The following RIMS1 variants were observed in gnomAD, a reference collection of about 807,000 sequenced individuals.
RIMS1 encodes regulating synaptic membrane exocytosis protein 1.
Under a neutral mutation model 214.1 loss-of-function variants are expected in RIMS1, and 83 were observed. That is an observed-to-expected ratio of 0.39 (90% CI 0.32 to 0.47). The LOEUF (loss-of-function observed/expected upper bound fraction) is 0.47. Ranked by LOEUF, RIMS1 falls within the 20% of genes least tolerant of loss-of-function variation. The pLI is 0.99. For missense variants in RIMS1, 2,050 were observed against 2,161.8 expected, an observed-to-expected ratio of 0.95 and a Z score of 1.03; for synonymous variants, 793 against 786.8, an observed-to-expected ratio of 1.01 and a Z score of -0.13.
intron 2 of RIMS1, among the ~76,000 whole-genome samples, chr6:72,031,118 T>G (rs1282933240): frequency 6.6e-6 from 1 of 152,164 alleles, no homozygotes; most frequent in Admixed American, 6.6e-5. Context: ...TTTGCAAACC[T>G]TTAGTTTACC....
intron 6 of RIMS1, chr6:72,212,922 C>T (rs2054079658): frequency 1.5e-6 from 2 of 1,362,350 alleles, no homozygotes; most frequent in Non-Finnish European, 1.9e-6. Flanking sequence ...CTGAGTCAGT[C>T]ATGCAAGGAG....
chr6:72,345,113 G>A (rs2097214338), intron 29 of RIMS1, among the ~76,000 whole-genome samples: 1 of 151,732 alleles, frequency 6.6e-6, no homozygotes, highest in South Asian at 2.1e-4. Context: ...GGCAGCTAAA[G>A]ATGTAACAAG....
chr6:72,297,172 A>T (rs989402231), intron 26 of RIMS1, among the ~76,000 whole-genome samples: 3 of 151,984 alleles, frequency 2.0e-5, no homozygotes, highest in Non-Finnish European at 4.4e-5. Flanking sequence ...AAATTAAAAA[A>T]TTCAGTGAGA....
At chr6:72,098,691 G>T (rs148547847) in intron 3 of RIMS1, among the ~76,000 whole-genome samples, 1 of 152,110 alleles carries the variant, frequency 6.6e-6, no homozygotes, top group Non-Finnish European at 1.5e-5. Context: ...ATGAAGACTG[G>T]ATAGTAATAT....
intron 1 of RIMS1, among the ~76,000 whole-genome samples, chr6:71,942,887 A>G (rs1786594626): frequency 6.6e-6 from 1 of 152,102 alleles, no homozygotes; most frequent in Non-Finnish European, 1.5e-5. Flanking sequence ...GTGTACAAAT[A>G]TTAAATGTAA....
At chr6:72,338,715 C>T (rs116113934) in intron 29 of RIMS1, among the ~76,000 whole-genome samples, 3,104 of 151,662 alleles carry the variant, frequency 0.02, 72 homozygotes, top group African/African-American at 0.056. Context: ...ACAAGACATA[C>T]TATTCCCATT....
chr6:72,017,840 A>G (rs770388974), intron 2 of RIMS1, among the ~76,000 whole-genome samples: 1 of 152,210 alleles, frequency 6.6e-6, no homozygotes, highest in Non-Finnish European at 1.5e-5. Flanking sequence ...ACCTGAAAGA[A>G]TTGTGTGTGA....
chr6:72,318,556 AT>A (rs1160642133), intron 28 of RIMS1, among the ~76,000 whole-genome samples: 1 of 151,850 alleles, frequency 6.6e-6, no homozygotes, highest in Non-Finnish European at 1.5e-5. Flanking sequence ...ATTGCATGTT[AT>A]TTTTTTAAAT....
intron 26 of RIMS1, among the ~76,000 whole-genome samples, chr6:72,296,840 A>G (rs1016836247): frequency 1.3e-5 from 2 of 151,960 alleles, no homozygotes; most frequent in Admixed American, 6.6e-5. Flanking sequence ...TAAGGACACA[A>G]GTTCAGAGAG....
In RIMS1 at chr6:72,332,081, G is replaced by C. The variant is rs1172054974; in HGVS notation, c.4131-1519G>C. Among the ~76,000 whole-genome samples, 6 of 151,600 alleles carry C rather than the reference G, an allele frequency of 4.0e-5. No individual in the cohort carries two copies. The Admixed American group carries it at 4.0e-4, about 10-fold the overall frequency. ...TCATTATATATATGACAACAAACTT[G>C]TTACATAATCCCAACACTTTCTGTT... On this transcript the variant is annotated intron_variant, in intron 28 of 33. Coordinates refer to ENST00000521978, the MANE Select transcript of RIMS1 (RefSeq NM_014989.7).
In RIMS1 at chr6:72,099,513, A is replaced by C. The variant is rs1262550544; in HGVS notation, c.460-462A>C. On this transcript the variant is annotated intron_variant, in intron 3 of 33. Coordinates refer to ENST00000521978, the MANE Select transcript of RIMS1 (RefSeq NM_014989.7). ...TTAACATATTTCTCTTCCCATTTTT[A>C]TTTATTATAAACATTTCTCATTCTT... Among the ~76,000 whole-genome samples, 4 of 152,142 alleles carry C rather than the reference A, an allele frequency of 2.6e-5. No homozygotes were observed. The East Asian group carries it at 7.7e-4, about 29-fold the overall frequency.
chr6:72,217,411 C>T (rs2056636978), intron 6 of RIMS1, among the ~76,000 whole-genome samples: 1 of 152,084 alleles, frequency 6.6e-6, no homozygotes, highest in African/African-American at 2.4e-5. Flanking sequence ...ATAATGATTA[C>T]TTGTATTACA....
chr6:71,980,848 G>A (rs1798308193), intron 2 of RIMS1, among the ~76,000 whole-genome samples: 1 of 151,968 alleles, frequency 6.6e-6, no homozygotes, highest in South Asian at 2.1e-4. Flanking sequence ...GTTATGAAAG[G>A]GACAAGTAAG....
intron 2 of RIMS1, among the ~76,000 whole-genome samples, chr6:72,063,418 TA>T (rs2152263167): frequency 6.6e-6 from 1 of 152,204 alleles, no homozygotes; most frequent in African/African-American, 2.4e-5. Flanking sequence ...ACAATAAGTG[TA>T]AAAGCAAACA....
At chr6:72,080,539 G>T (rs909848515) in intron 2 of RIMS1, among the ~76,000 whole-genome samples, 14 of 152,286 alleles carry the variant, frequency 9.2e-5, no homozygotes, top group African/African-American at 2.9e-4. Context: ...CCAGTTATCT[G>T]ATTCCTCTGC....
At chr6:72,288,751 A>G (rs1040909692) in intron 24 of RIMS1, among the ~76,000 whole-genome samples, 13 of 152,226 alleles carry the variant, frequency 8.5e-5, no homozygotes, top group African/African-American at 3.1e-4. Context: ...ATAATTCAGC[A>G]TTGCTACCAC....
intron 26 of RIMS1, among the ~76,000 whole-genome samples, chr6:72,298,533 A>G (rs1312958288): frequency 6.6e-6 from 1 of 151,992 alleles, no homozygotes; most frequent in Non-Finnish European, 1.5e-5. Flanking sequence ...ACTGCTTTGC[A>G]TGCATCACCA....
At chr6:71,968,515 A>G (rs1259437854) in intron 1 of RIMS1, among the ~76,000 whole-genome samples, 5 of 152,184 alleles carry the variant, frequency 3.3e-5, no homozygotes. Flanking sequence ...GGCCTCTCAG[A>G]TCTTTTTGCA....
At chr6:72,289,910 AT>A (rs2093066675) in intron 24 of RIMS1, among the ~76,000 whole-genome samples, 1 of 152,322 alleles carries the variant, frequency 6.6e-6, no homozygotes, top group Admixed American at 6.5e-5. Flanking sequence ...CATTAAAAAA[AT>A]AAGTACATCT....
Sources: gnomAD v4.1 joint callset for allele counts (sites outside exome capture counted in the v4.1 genomes callset) on GRCh38, gnomAD v4.1.1 for gene constraint, MANE v1.5 for transcripts, NCBI Gene and HGNC (gene_info 2026-07-23, HGNC 2026-07-21) for gene names.